Variants in ATP8B1 observed in about 807,000 individuals in gnomAD.
ATP8B1 encodes the protein phospholipid-transporting ATPase IC.
In ATP8B1, 80 loss-of-function variants were observed where a neutral mutation model predicts 149.9. That is an observed-to-expected ratio of 0.53 (90% CI 0.45 to 0.64). The LOEUF (loss-of-function observed/expected upper bound fraction) is 0.64. Ranked by LOEUF, ATP8B1 falls within the 30% of genes least tolerant of loss-of-function variation. The pLI is 0.00. For missense variants in ATP8B1, 1,247 were observed against 1,552.6 expected, an observed-to-expected ratio of 0.80 and a Z score of 3.31; for synonymous variants, 536 against 562.8, an observed-to-expected ratio of 0.95 and a Z score of 0.67.
chr18:57,669,871 G>A (rs1911124372), intron 17 of ATP8B1, among the ~76,000 whole-genome samples: 1 of 151,908 alleles, frequency 6.6e-6, no homozygotes. Flanking sequence ...TTGAACTCAC[G>A]AGCTCATGTG....
At chr18:57,782,803 CTTTTTTTTTTTTTTT>C (rs79009229) in intron 1 of ATP8B1, among the ~76,000 whole-genome samples, 3 of 91,176 alleles carry the variant, frequency 3.3e-5, no homozygotes, top group East Asian at 6.2e-4. Context: ...TAGTTTGTCT[CTTTTTTTTTTTTTTT>C]TTTTTTTTTT....
intron 1 of ATP8B1, 187 bp from the exon 2 acceptor site, chr18:57,732,019 C>T: frequency 1.9e-6 from 1 of 536,588 alleles, no homozygotes; most frequent in East Asian, 3.5e-5. Flanking sequence ...TGATTAAATG[C>T]TTGGGTAAGA....
At position 57,738,389 on chromosome 18, in the gene ATP8B1, C is replaced by T. The variant is rs148061372; in HGVS notation, c.-25-6557G>A. Among the ~76,000 whole-genome samples, 266 of 152,192 alleles carry T rather than the reference C, an allele frequency of 1.7e-3. 9 individuals carry two copies. The East Asian group carries it at 0.04, about 23-fold the overall frequency. On this transcript the variant is annotated intron_variant, in intron 1 of 27. Transcript: ENST00000648908. ...CTGTAATCCCAGCACTTTGGAAGAC[C>T]GAGGCGGGTGGATCAACTGAGGTCA...
At chr18:57,793,072 G>A (rs1160490005) in intron 1 of ATP8B1, among the ~76,000 whole-genome samples, 3 of 152,172 alleles carry the variant, frequency 2.0e-5, no homozygotes, top group African/African-American at 7.2e-5. Flanking sequence ...TTATATGTAT[G>A]TTTCTGAGGA....
intron 20 of ATP8B1, among the ~76,000 whole-genome samples, chr18:57,666,822 C>T (rs1468567665): frequency 6.6e-6 from 1 of 152,164 alleles, no homozygotes; most frequent in African/African-American, 2.4e-5. Flanking sequence ...AGGCATGAGC[C>T]ACTGCGCCTG....
intron 1 of ATP8B1, among the ~76,000 whole-genome samples, chr18:57,775,297 C>G (rs2080297068): frequency 6.6e-6 from 1 of 150,992 alleles, no homozygotes; most frequent in Admixed American, 6.6e-5. Flanking sequence ...GCCTGGGTGA[C>G]AGATGGAGAC....
chr18:57,778,228 C>CTT (rs5825238), intron 1 of ATP8B1, among the ~76,000 whole-genome samples: 2 of 97,660 alleles, frequency 2.0e-5, no homozygotes, highest in East Asian at 6.9e-4. Context: ...TTTTCTTTTT[C>CTT]TTTTTTTTTT....
At chr18:57,701,856 C>T (rs147235620) in intron 4 of ATP8B1, among the ~76,000 whole-genome samples, 15,169 of 151,890 alleles carry the variant, frequency 0.1, 928 homozygotes, top group Non-Finnish European at 0.13. Context: ...CCACCACCCC[C>T]GGCTAATTTT....
rs77720697 is a variant in ATP8B1 at position 57,705,533 on chromosome 18, A to T, written c.280-865T>A. Among the ~76,000 whole-genome samples the T allele has an allele frequency of 7.8e-3, 1,189 of 152,322 alleles. 16 individuals carry two copies. Among genetic ancestry groups the T allele is most frequent in the African/African-American group, 0.027 (1,110 of 41,572 alleles). ...GGTGCTTATTCGGACTGGGGTCCCT[A>T]TAAGAGGAAAGTTGCACACAGACAC... On this transcript the variant is annotated intron_variant, in intron 3 of 27. Transcript: ENST00000648908.
At chr18:57,666,387 G>A (rs181107225) in intron 20 of ATP8B1, among the ~76,000 whole-genome samples, 2 of 151,562 alleles carry the variant, frequency 1.3e-5, no homozygotes, top group African/African-American at 2.4e-5. Context: ...TTTCCTTCCC[G>A]CAAAAGTTTT....
chr18:57,711,349 A>T (rs944200961), intron 2 of ATP8B1, among the ~76,000 whole-genome samples: 12 of 152,190 alleles, frequency 7.9e-5, no homozygotes, highest in African/African-American at 2.9e-4. Flanking sequence ...ATATGGTAGG[A>T]ATTACCTCCA....
At chr18:57,680,261 G>C (rs1451298685) in intron 15 of ATP8B1, among the ~76,000 whole-genome samples, 1 of 84,048 alleles carries the variant, frequency 1.2e-5, no homozygotes, top group Non-Finnish European at 2.3e-5. Flanking sequence ...TGGGCAACAG[G>C]AGCGAGACTC....
At chr18:57,741,233 G>A (rs1392135071) in intron 1 of ATP8B1, among the ~76,000 whole-genome samples, 1 of 152,192 alleles carries the variant, frequency 6.6e-6, no homozygotes, top group East Asian at 1.9e-4. Flanking sequence ...ACTGTGCCCA[G>A]CTTGAACCTT....
At position 57,680,373 on chromosome 18, in the gene ATP8B1, G is replaced by T. The variant is rs1350695688; in HGVS notation, c.1630+3663C>A. On this transcript the variant is annotated intron_variant, in intron 15 of 27. Transcript: ENST00000648908. The stretch of plus-strand genomic sequence containing the variant: ...GGTCAAGGCTGGAGGATTACTTGAG[G>T]TCGGGAGTTTAAGACCAGCCTGACC... Among the ~76,000 whole-genome samples, 4 of 149,810 alleles carry T rather than the reference G, an allele frequency of 2.7e-5. No homozygotes were observed. The East Asian group carries it at 8.0e-4, about 30-fold the overall frequency.
At chr18:57,664,829 A>T (rs1327494632) in intron 20 of ATP8B1, among the ~76,000 whole-genome samples, 2 of 152,194 alleles carry the variant, frequency 1.3e-5, no homozygotes, top group Non-Finnish European at 2.9e-5. Context: ...GGTTGATAGG[A>T]AAACTAGAAT....
chr18:57,775,199 C>A (rs1391943220), intron 1 of ATP8B1, among the ~76,000 whole-genome samples: 1 of 152,114 alleles, frequency 6.6e-6, no homozygotes, highest in Non-Finnish European at 1.5e-5. Context: ...TGCCTGTAGT[C>A]CCAGCTACTT....
chr18:57,698,189 G>GTT (rs1912922667), intron 6 of ATP8B1, among the ~76,000 whole-genome samples: 1 of 152,122 alleles, frequency 6.6e-6, no homozygotes, highest in Non-Finnish European at 1.5e-5. Flanking sequence ...TTGCCTCCCT[G>GTT]CTGTGTTCCT....
chr18:57,650,832 GTCTCAAAAATA>G (rs1909565988), intron 26 of ATP8B1, among the ~76,000 whole-genome samples: 2 of 151,796 alleles, frequency 1.3e-5, no homozygotes, highest in Non-Finnish European at 2.9e-5. Context: ...GCAAAACTCT[GTCTCAAAAATA>G]AAAAATAAAA....
At chr18:57,791,714 C>T (rs887958114) in intron 1 of ATP8B1, among the ~76,000 whole-genome samples, 3 of 152,158 alleles carry the variant, frequency 2.0e-5, no homozygotes, top group African/African-American at 7.2e-5. Context: ...TTTATTCATT[C>T]ATTCGTCGGT....
Sources: allele counts gnomAD v4.1 joint callset (sites outside exome capture counted in the v4.1 genomes callset), GRCh38; gene constraint gnomAD v4.1.1; transcripts MANE v1.5; gene names NCBI Gene and HGNC (gene_info 2026-07-23, HGNC 2026-07-21).